The following NWD1 variants were observed in gnomAD, a reference collection of about 807,000 sequenced individuals.
NWD1 encodes the protein NACHT and WD repeat domain containing 1, also known as NACHT domain- and WD repeat-containing protein 1.
In NWD1, 129 loss-of-function variants were observed where a neutral mutation model predicts 135.1. The observed-to-expected ratio is 0.96, with a 90% CI of 0.83 to 1.11. The LOEUF (loss-of-function observed/expected upper bound fraction) is 1.11, where lower values mean the gene tolerates loss of function less well. Among genes scored for constraint, NWD1 ranks in the 50% least tolerant of loss-of-function variants. The probability of loss-of-function intolerance (pLI) is 0.00; values close to 1 mark genes in which losing one functional copy is unlikely to be tolerated. For missense variants in NWD1, 1,740 were observed against 1,851.3 expected, an observed-to-expected ratio of 0.94 and a Z score of 1.10; for synonymous variants, 773 against 786.0, an observed-to-expected ratio of 0.98 and a Z score of 0.28.
In NWD1 at chr19:16,762,025, A is replaced by G; in HGVS notation, c.2020A>G (p.Arg674Gly). Residue 674 changes from arginine (R) to glycine (G), a missense_variant, in exon 8 of 19, where the codon AGA (arginine) becomes GGA (glycine). By Grantham distance (125) the Arg-to-Gly change is moderately radical (BLOSUM62 -2). Coordinates refer to ENST00000524140, the MANE Select transcript of NWD1 (RefSeq NM_001007525.5). ...TGAGCGCTACCTGTCAGGATCCGAG[A>G]GAGCCAAGAGGCATGGCGTCCTGGC... Reference protein sequence around the residue: ...VRERYLSGSERAKRHGVLADF... With the variant: ...VRERYLSGSEGAKRHGVLADF... 1 of 1,614,044 alleles carries G rather than the reference A, an allele frequency of 6.2e-7. No individual in the cohort carries two copies.
chr19:16,772,655 TAAATA>T (rs1290792716), intron 10 of NWD1, among the ~76,000 whole-genome samples: 1 of 151,756 alleles, frequency 6.6e-6, no homozygotes, highest in African/African-American at 2.4e-5. Flanking sequence ...CAAAAATAAA[TAAATA>T]AAATAAAATA....
chr19:16,746,672 A>G (rs1968330795), intron 5 of NWD1, among the ~76,000 whole-genome samples: 2 of 115,960 alleles, frequency 1.7e-5, no homozygotes, highest in South Asian at 5.3e-4. Flanking sequence ...ACTCTGTCTA[A>G]AAACAAAAAA....
intron 10 of NWD1, among the ~76,000 whole-genome samples, chr19:16,766,723 C>A (rs935788665): frequency 1.3e-5 from 2 of 152,050 alleles, no homozygotes; most frequent in Admixed American, 6.6e-5. Context: ...GTAGCTGAGA[C>A]TACTGACATG....
At chr19:16,763,979 C>A in intron 9 of NWD1, 34 bp downstream of exon 9, 1 of 1,262,528 alleles carries the variant, frequency 7.9e-7, no homozygotes, top group Non-Finnish European at 1.2e-6. Flanking sequence ...AGGACCGAGC[C>A]TGGTGACTGC....
At chr19:16,747,118 C>A (rs1968355647) in intron 5 of NWD1, among the ~76,000 whole-genome samples, 1 of 149,986 alleles carries the variant, frequency 6.7e-6, no homozygotes, top group African/African-American at 2.5e-5. Flanking sequence ...CTCACTCCAA[C>A]CTCTGCTTCC....
At chr19:16,722,109 T>C (rs1234254409) in intron 1 of NWD1, among the ~76,000 whole-genome samples, 1 of 128,170 alleles carries the variant, frequency 7.8e-6, no homozygotes, top group Non-Finnish European at 1.7e-5. Context: ...TGAGACCCTG[T>C]CTCTTGAAAA....
At chr19:16,770,531 A>C (rs534755715) in intron 10 of NWD1, among the ~76,000 whole-genome samples, 91 of 152,218 alleles carry the variant, frequency 6.0e-4, no homozygotes, top group African/African-American at 2.1e-3. Context: ...CAGAGACCAC[A>C]AATTTTGAGC....
chr19:16,778,740 C>T (rs985762802), intron 11 of NWD1, among the ~76,000 whole-genome samples: 6 of 152,128 alleles, frequency 3.9e-5, no homozygotes, highest in African/African-American at 1.4e-4. Flanking sequence ...AACTCCTGAC[C>T]TCAAGTGATC....
At chr19:16,792,855 T>G in intron 14 of NWD1, among the ~76,000 whole-genome samples, 1 of 133,408 alleles carries the variant, frequency 7.5e-6, no homozygotes, top group African/African-American at 2.9e-5. Context: ...CCAGCCTGGG[T>G]GACAGATCAA....
intron 10 of NWD1, among the ~76,000 whole-genome samples, chr19:16,770,484 T>G (rs1456498532): frequency 6.6e-6 from 1 of 152,210 alleles, no homozygotes; most frequent in Non-Finnish European, 1.5e-5. Flanking sequence ...GTTTCAGGTA[T>G]GTCTTTATTA....
chr19:16,762,586 T>C (rs1489602007), intron 8 of NWD1, among the ~76,000 whole-genome samples: 2 of 152,270 alleles, frequency 1.3e-5, no homozygotes, highest in African/African-American at 2.4e-5. Context: ...TACAGAGTTA[T>C]TGTGGACTCT....
At chr19:16,752,215 G>GTT (rs541574593) in intron 6 of NWD1, among the ~76,000 whole-genome samples, 10 of 150,344 alleles carry the variant, frequency 6.7e-5, no homozygotes, top group African/African-American at 2.5e-4. Context: ...CAGTTTTAGG[G>GTT]TTGTTTTTTT....
In NWD1 at chr19:16,749,684, A is replaced by T. The variant is rs138694867; in HGVS notation, c.1042A>T (p.Thr348Ser). The change falls in exon 6 of 19, where the codon ACA becomes TCA. Residue 348 changes from threonine to serine, a missense_variant. Transcript: ENST00000524140. ...VLFGPPGIGK[T>S]ALMCKLAEQM... ...CTTTGGGCCCCCAGGCATTGGAAAG[A>T]CAGCCCTGATGTGCAAGCTGGCTGA... 6.8e-5 allele frequency: 109 copies of T among 1,600,138 alleles called. No homozygotes were observed. In the African/African-American group the frequency reaches 1.4e-3, roughly 20 times the overall value.
intron 12 of NWD1, among the ~76,000 whole-genome samples, chr19:16,788,434 C>T (rs1238173376): frequency 3.3e-5 from 5 of 150,090 alleles, no homozygotes; most frequent in South Asian, 2.1e-4. Flanking sequence ...CCAGGCATGG[C>T]GGCAGGTGCC....
intron 6 of NWD1, among the ~76,000 whole-genome samples, chr19:16,755,278 C>T (rs192123482): frequency 2.1e-4 from 32 of 152,218 alleles, no homozygotes; most frequent in African/African-American, 7.0e-4. Context: ...TGCACTGAAG[C>T]GATCACAGCT....
intron 5 of NWD1, chr19:16,745,204 T>G (rs3848654): frequency 2.6e-6 from 1 of 385,056 alleles, no homozygotes; most frequent in Non-Finnish European, 5.2e-6. Flanking sequence ...CCATCAGATC[T>G]TGTGAGACTT....
chr19:16,780,856 A>G (rs1969829610), intron 12 of NWD1, among the ~76,000 whole-genome samples: 1 of 151,966 alleles, frequency 6.6e-6, no homozygotes, highest in Non-Finnish European at 1.5e-5. Context: ...ACAGGGTCTC[A>G]CTATGTTGCT....
At chr19:16,805,347 C>A (rs990036029) in intron 17 of NWD1, among the ~76,000 whole-genome samples, 1 of 152,074 alleles carries the variant, frequency 6.6e-6, no homozygotes, top group Non-Finnish European at 1.5e-5. Flanking sequence ...GTGTGCACCA[C>A]TGTGCCCAGC....
intron 4 of NWD1, among the ~76,000 whole-genome samples, chr19:16,743,974 C>T (rs1039287142): frequency 2.6e-5 from 4 of 152,062 alleles, no homozygotes; most frequent in Non-Finnish European, 4.4e-5. Context: ...TGAGCCACCG[C>T]GCCTGGCCGA....
Sources: allele counts gnomAD v4.1 joint callset (sites outside exome capture counted in the v4.1 genomes callset), GRCh38; gene constraint gnomAD v4.1.1; transcripts MANE v1.5; gene names NCBI Gene and HGNC (gene_info 2026-07-23, HGNC 2026-07-21).